EXOC4: variants seen among roughly 807,000 people sequenced by gnomAD.
EXOC4 encodes SEC8-like 1.
EXOC4 carries 71 observed loss-of-function variants against 107.2 expected under a neutral mutation model. That is an observed-to-expected ratio of 0.66 (90% CI 0.55 to 0.81). EXOC4 has a LOEUF of 0.81. Among genes scored for constraint, EXOC4 ranks in the 30% least tolerant of loss-of-function variants. The pLI, the probability that EXOC4 is intolerant of heterozygous loss-of-function variation, is 0.00. For synonymous variants in EXOC4, 456 were observed against 441.2 expected (o/e 1.03, Z -0.42); for missense variants, 1,108 against 1,189.6 (o/e 0.93, Z 1.01).
intron 9 of EXOC4, among the ~76,000 whole-genome samples, chr7:133,492,717 T>TAG (rs1252014778): frequency 2.0e-5 from 3 of 152,174 alleles, no homozygotes; most frequent in Non-Finnish European, 4.4e-5. Flanking sequence ...AGAATATGAA[T>TAG]TCTTTAATTT....
At chr7:133,427,010 A>G (rs916479625) in intron 7 of EXOC4, among the ~76,000 whole-genome samples, 1 of 152,208 alleles carries the variant, frequency 6.6e-6, no homozygotes, top group Non-Finnish European at 1.5e-5. Flanking sequence ...CATACACTCT[A>G]AAGGAACCTT....
chr7:133,514,955 A>G (rs1421359811), intron 9 of EXOC4, among the ~76,000 whole-genome samples: 1 of 152,146 alleles, frequency 6.6e-6, no homozygotes, highest in African/African-American at 2.4e-5. Flanking sequence ...TTTTGTTGCT[A>G]CCACCACTTC....
At chr7:133,984,567 A>T (rs1794070883) in intron 14 of EXOC4, among the ~76,000 whole-genome samples, 1 of 152,364 alleles carries the variant, frequency 6.6e-6, no homozygotes. Context: ...ATAAAATTCA[A>T]CAAACATTAT....
chr7:133,951,223 T>C (rs1272541771), intron 14 of EXOC4, among the ~76,000 whole-genome samples: 5 of 152,210 alleles, frequency 3.3e-5, no homozygotes, highest in Non-Finnish European at 5.9e-5. Flanking sequence ...CCTCAACATC[T>C]GTTACACTCC....
chr7:133,464,806 GGTTGGTT>G lies in EXOC4; in HGVS notation c.1183-10521_1183-10515del, dbSNP rs1563075876. On this transcript the variant is annotated intron_variant, in intron 7 of 17. Transcript: ENST00000253861. ...TGAAGTTTTTTTTTTTTGTTGGTTG[GGTTGGTT>G]TTTTTTTTTTTTTTTTTTTTTTTGG... 1.8e-4 allele frequency among the ~76,000 whole-genome samples: 5 copies of G among 27,144 alleles called. 1 individual carries two copies. Among genetic ancestry groups the G allele is most frequent in the South Asian group, 4.6e-3 (2 of 436 alleles). The allele number at this position is 27,144 out of a possible 152,430, so 17.8% of individuals were successfully genotyped here. A position where few individuals can be genotyped will look rare whatever the true frequency, so the allele number is the denominator to read the frequency against.
intron 11 of EXOC4, among the ~76,000 whole-genome samples, chr7:133,862,115 A>G (rs1022080616): frequency 6.6e-6 from 1 of 151,306 alleles, no homozygotes; most frequent in African/African-American, 2.4e-5. Flanking sequence ...CGTAAGATTT[A>G]TATCAGCACT....
At chr7:133,576,260 A>T (rs1450163994) in intron 9 of EXOC4, among the ~76,000 whole-genome samples, 1 of 152,166 alleles carries the variant, frequency 6.6e-6, no homozygotes, top group African/African-American at 2.4e-5. Flanking sequence ...AGACTTGTTA[A>T]AAGATTTATT....
intron 10 of EXOC4, among the ~76,000 whole-genome samples, chr7:133,740,464 A>C (rs548443590): frequency 6.6e-6 from 1 of 152,310 alleles, no homozygotes; most frequent in South Asian, 2.1e-4. Context: ...CTTCATTTAC[A>C]TAGTGACACT....
At position 133,867,583 on chromosome 7, in the gene EXOC4, T is replaced by C. The variant is rs534071632; in HGVS notation, c.1735-28016T>C. Among the ~76,000 whole-genome samples the C allele has an allele frequency of 7.9e-5, 12 of 152,278 alleles. No homozygotes were observed. The East Asian group carries it at 1.9e-3, about 24-fold the overall frequency. On this transcript the variant is annotated intron_variant, in intron 11 of 17. Coordinates refer to ENST00000253861, the MANE Select transcript of EXOC4 (RefSeq NM_021807.4). ...AGGGCAGAGAAGGAGAAAAATACCT[T>C]TGGGGTGTTTCTCTCCCCACCCCCA... is the stretch of plus-strand genomic sequence containing the variant.
At chr7:133,854,408 GCACACACACACACACACA>G (rs56849407) in intron 11 of EXOC4, among the ~76,000 whole-genome samples, 9 of 139,470 alleles carry the variant, frequency 6.5e-5, no homozygotes, top group Admixed American at 2.2e-4. Context: ...TGTTGAAAGA[GCACACACACACACACACA>G]CACACACACA....
intron 14 of EXOC4, among the ~76,000 whole-genome samples, chr7:133,948,570 C>T (rs1358036145): frequency 6.6e-6 from 1 of 152,018 alleles, no homozygotes; most frequent in African/African-American, 2.4e-5. Flanking sequence ...GAAAATGTAG[C>T]AAAGGGGCGA....
At chr7:133,293,729 A>G (rs1321775009) in intron 3 of EXOC4, among the ~76,000 whole-genome samples, 1 of 152,222 alleles carries the variant, frequency 6.6e-6, no homozygotes, top group Non-Finnish European at 1.5e-5. Context: ...TTGTCATGAC[A>G]GGGAATGTCT....
chr7:133,787,967 A>T (rs1402137008), intron 10 of EXOC4, among the ~76,000 whole-genome samples: 187 of 16,592 alleles, frequency 0.011, 5 homozygotes, highest in Middle Eastern at 0.024. Context: ...ATATATTTAT[A>T]TATATATATA....
chr7:133,810,499 C>T (rs1797195536), intron 10 of EXOC4, among the ~76,000 whole-genome samples: 1 of 152,046 alleles, frequency 6.6e-6, no homozygotes, highest in South Asian at 2.1e-4. Context: ...TGCATATGTA[C>T]ATACATTTAG....
intron 12 of EXOC4, among the ~76,000 whole-genome samples, chr7:133,903,633 T>C (rs1375068098): frequency 6.6e-6 from 1 of 152,162 alleles, no homozygotes; most frequent in Non-Finnish European, 1.5e-5. Flanking sequence ...ATTTAGAGTG[T>C]CTCTTAGCCA....
intron 5 of EXOC4, among the ~76,000 whole-genome samples, chr7:133,340,660 C>CT (rs1015489801): frequency 6.6e-6 from 1 of 151,298 alleles, no homozygotes; most frequent in African/African-American, 2.4e-5. Flanking sequence ...TAGTCCTGGA[C>CT]TTTTTTTTGT....
rs560022738 is a variant in EXOC4, at chr7:133,830,200, T to C, written c.1734+12656T>C. Among the ~76,000 whole-genome samples the C allele has an allele frequency of 3.3e-4, 51 of 152,364 alleles. 1 individual carries two copies. The South Asian group carries it at 6.4e-3, about 19-fold the overall frequency. ...GAGCTTAATTGCTTCTTCCTTTTTT[T>C]TCCACAAACATTTCGGAATTTGTTG... On this transcript the variant is annotated intron_variant, in intron 11 of 17. Transcript: ENST00000253861.
chr7:133,736,565 C>T (rs546187141), intron 10 of EXOC4, among the ~76,000 whole-genome samples: 3 of 152,224 alleles, frequency 2.0e-5, no homozygotes, highest in South Asian at 2.1e-4. Context: ...CAATATTTAC[C>T]CTTCTAGGTT....
chr7:134,064,384 C>T lies in EXOC4; in HGVS notation c.2781C>T (p.His927=), dbSNP rs751502990. 49 of 1,595,524 alleles carry T rather than the reference C, an allele frequency of 3.1e-5. No homozygotes were observed. The highest frequency in any genetic ancestry group is 8.7e-5 in the Admixed American group (5 of 57,630). Residue 927 remains histidine (H), a synonymous_variant, in exon 18 of 18, where the codon CAC becomes CAT. Coordinates refer to ENST00000253861, the MANE Select transcript of EXOC4 (RefSeq NM_021807.4). ...GVKYTELEYI[H]ALTLLHRSQT... ...AGTACACGGAGCTGGAGTACATCCA[C>T]GCTCTGACCCTGCTGCACCGCAGCC...
Sources: gnomAD v4.1 joint callset for allele counts (sites outside exome capture counted in the v4.1 genomes callset) on GRCh38, gnomAD v4.1.1 for gene constraint, MANE v1.5 for transcripts, NCBI Gene and HGNC (gene_info 2026-07-23, HGNC 2026-07-21) for gene names.